WDR53: variants seen among roughly 807,000 people sequenced by gnomAD.
WDR53 encodes the protein WD repeat domain 53, also known as WD repeat-containing protein 53.
WDR53 carries 19 observed loss-of-function variants against 21.3 expected under a neutral mutation model. That is an observed-to-expected ratio of 0.89 (90% CI 0.62 to 1.31). The LOEUF (loss-of-function observed/expected upper bound fraction) is 1.31. WDR53 is among the 50% of genes most tolerant of loss of function. The probability of loss-of-function intolerance (pLI) is 0.00; values close to 1 mark genes in which losing one functional copy is unlikely to be tolerated. For synonymous variants in WDR53, 157 were observed against 163.4 expected (o/e 0.96, Z 0.30); for missense variants, 374 against 423.2 (o/e 0.88, Z 1.02).
intron 3 of WDR53, among the ~76,000 whole-genome samples, chr3:196,559,600 C>T (rs1186768295): frequency 6.6e-6 from 1 of 152,096 alleles, no homozygotes; most frequent in Admixed American, 6.6e-5. Flanking sequence ...ATAACTGATG[C>T]TATTAAAAAG....
At chr3:196,568,351 G>C (rs1284610375) in intron 1 of WDR53, 168 bp downstream of exon 1, 2 of 152,542 alleles carry the variant, frequency 1.3e-5, no homozygotes, top group African/African-American at 4.8e-5. Flanking sequence ...TTCATGCGTT[G>C]AGCTGGAGTC....
At chr3:196,557,214 A>G (rs1734404925) in intron 3 of WDR53, among the ~76,000 whole-genome samples, 1 of 152,206 alleles carries the variant, frequency 6.6e-6, no homozygotes, top group Non-Finnish European at 1.5e-5. Context: ...TTACAAAAAC[A>G]TTTCTTTCCA....
At position 196,560,398 on chromosome 3, in the gene WDR53, C is replaced by T. The variant is rs550631034; in HGVS notation, c.480+598G>A. On this transcript the variant is annotated intron_variant, in intron 3 of 3. Transcript: ENST00000332629. ...CTGGGATTGCAGGAGCCCACCACCA[C>T]GCCTGGCTAATTTTTGTATTTCTAG... Among the ~76,000 whole-genome samples the T allele has an allele frequency of 6.4e-4, 98 of 152,214 alleles. 1 individual carries two copies. The highest frequency in any genetic ancestry group is 2.3e-3 in the African/African-American group (95 of 41,538).
rs756821952 is a variant in WDR53 at position 196,561,161 on chromosome 3, C to T, written c.315G>A (p.Thr105=). The change falls in exon 3 of 4, where the codon ACG becomes ACA. Residue 105 remains threonine, a synonymous_variant. Coordinates refer to ENST00000332629, the MANE Select transcript of WDR53 (RefSeq NM_182627.3). The part of the protein sequence containing the change: ...EEINCLSLNQ[T]ENLLASADDS... ...CGTCAGCAGAAGCCAGCAGGTTTTC[C>T]GTTTGATTCAATGAAAGACAATTGA... is the stretch of plus-strand genomic sequence containing the variant. The T allele has an allele frequency of 1.1e-5, 17 of 1,613,996 alleles. No homozygotes were observed. Among genetic ancestry groups the T allele is most frequent in the Non-Finnish European group, 1.2e-5 (14 of 1,180,048 alleles).
chr3:196,556,653 C>A (rs1734343346), intron 3 of WDR53, among the ~76,000 whole-genome samples: 1 of 45,040 alleles, frequency 2.2e-5, no homozygotes, highest in Non-Finnish European at 4.1e-5. Flanking sequence ...AAGACTCCGT[C>A]TTTAAAAAAA....
At chr3:196,557,081 A>G (rs1194856138) in intron 3 of WDR53, among the ~76,000 whole-genome samples, 1 of 116,674 alleles carries the variant, frequency 8.6e-6, no homozygotes, top group East Asian at 1.9e-4. Context: ...CTGAAAGAAA[A>G]GAATAAAGAG....
At position 196,554,596 on chromosome 3, in the gene WDR53, C is replaced by G; in HGVS notation, c.692G>C (p.Cys231Ser). The change falls in exon 4 of 4, where the codon TGT becomes TCT. Residue 231 changes from cysteine (C) to serine (S), a missense_variant. Physicochemically the swap from Cys to Ser is moderately radical, Grantham distance 112. Coordinates refer to ENST00000332629, the MANE Select transcript of WDR53 (RefSeq NM_182627.3). Reference protein sequence around the residue: ...VRIFRVMGVKCEQELGFKGHT... With the variant: ...VRIFRVMGVKSEQELGFKGHT... Reference sequence around the variant, plus strand: ...GCCCTTAAATCCCAGTTCCTGTTCACACTTAACTCCCATCACCCGAAAGAT... The same window carrying G: ...GCCCTTAAATCCCAGTTCCTGTTCAGACTTAACTCCCATCACCCGAAAGAT... The G allele has an allele frequency of 6.2e-7, 1 of 1,614,112 alleles. No individual in the cohort carries two copies. The highest frequency in any genetic ancestry group is 8.5e-7 in the Non-Finnish European group (1 of 1,180,016).
At chr3:196,568,441 G>A (rs1178172520) in intron 1 of WDR53, 78 bp downstream of exon 1, 1 of 152,954 alleles carries the variant, frequency 6.5e-6, no homozygotes, top group African/African-American at 2.4e-5. Flanking sequence ...CACCAGACCA[G>A]AAAAAGGAAA....
intron 3 of WDR53, among the ~76,000 whole-genome samples, chr3:196,560,485 C>G (rs1315011683): frequency 6.6e-6 from 1 of 152,174 alleles, no homozygotes; most frequent in Non-Finnish European, 1.5e-5. Context: ...GATCTGCCCA[C>G]CTCGGCCTTC....
intron 3 of WDR53, among the ~76,000 whole-genome samples, chr3:196,559,022 C>T (rs910802578): frequency 5.3e-5 from 8 of 152,328 alleles, no homozygotes; most frequent in South Asian, 2.1e-4. Flanking sequence ...GGGGGCAAGA[C>T]AGTAAATTCT....
chr3:196,557,539 AAAAC>A (rs766654768), intron 3 of WDR53, among the ~76,000 whole-genome samples: 2 of 152,140 alleles, frequency 1.3e-5, no homozygotes, highest in African/African-American at 4.8e-5. Flanking sequence ...CCCTGTCTCA[AAAAC>A]AAACAAACAA....
rs186118274 is a variant in WDR53, at chr3:196,566,560, T to C, written c.-17+317A>G. On this transcript the variant is annotated intron_variant, in intron 2 of 3. Coordinates refer to ENST00000332629, the MANE Select transcript of WDR53 (RefSeq NM_182627.3). ...TCCTGAGTAGCTGGAACTACAGGCA[T>C]GCACCACCACGCCCGGTTAATTTTT... Among the ~76,000 whole-genome samples, 508 of 152,086 alleles carry C rather than the reference T, an allele frequency of 3.3e-3. 3 individuals are homozygous for C. The highest frequency in any genetic ancestry group is 0.012 in the African/African-American group (495 of 41,476).
At chr3:196,560,247 C>CT (rs11425350) in intron 3 of WDR53, among the ~76,000 whole-genome samples, 64,913 of 144,944 alleles carry the variant, frequency 0.45, 14,916 homozygotes, top group Middle Eastern at 0.53. Flanking sequence ...TTTCTTTTTT[C>CT]TTTTTTTTTT....
In WDR53 at chr3:196,567,000, G is replaced by A. The variant is rs1024717004; in HGVS notation, c.-140C>T. The A allele has an allele frequency of 6.1e-6, 2 of 326,244 alleles. No individual in the cohort carries two copies. Among genetic ancestry groups the A allele is most frequent in the Admixed American group, 7.9e-5 (2 of 25,394 alleles). 20.2% of individuals were successfully genotyped at this position (326,244 alleles called of 1,614,324 possible). ...AAAGGCTCTGCCTCGGCTGCACTGA[G>A]ACACGATAAAGGCCAGTCTTTAAAA... is the stretch of plus-strand genomic sequence containing the variant. On this transcript the variant is annotated 5_prime_UTR_variant, in exon 2 of 4. Coordinates refer to ENST00000332629, the MANE Select transcript of WDR53 (RefSeq NM_182627.3).
rs748315848 is a variant in WDR53, at chr3:196,554,406, A to G, written c.882T>C (p.Thr294=). 40 of 1,613,932 alleles carry G rather than the reference A, an allele frequency of 2.5e-5. No individual in the cohort carries two copies. Among genetic ancestry groups the G allele is most frequent in the Admixed American group, 3.3e-5 (2 of 59,976 alleles). Residue 294 remains threonine, a synonymous_variant, in exon 4 of 4, where the codon ACT becomes ACC. Transcript: ENST00000332629. ...RTHRKKPKRG[T]CTKQGGNTNA... is the part of the protein sequence containing the mutation. ...TAGTATTTCCACCCTGCTTGGTGCA[A>G]GTTCCTCTTTTAGGTTTCTTCCTGT... is the stretch of plus-strand genomic sequence containing the variant.
chr3:196,560,505 G>A (rs569031917), intron 3 of WDR53, among the ~76,000 whole-genome samples: 1 of 152,266 alleles, frequency 6.6e-6, no homozygotes, highest in South Asian at 2.1e-4. Context: ...CCAAAGTGCT[G>A]GGATTACAGG....
intron 2 of WDR53, among the ~76,000 whole-genome samples, chr3:196,566,485 C>T (rs900675914): frequency 2.0e-5 from 3 of 151,334 alleles, no homozygotes; most frequent in Middle Eastern, 3.4e-3. Flanking sequence ...GCAATCTCGG[C>T]TCACTGCAAC....
chr3:196,560,836 T>C (rs1450606959), intron 3 of WDR53, among the ~76,000 whole-genome samples, 160 bp downstream of exon 3: 1 of 152,260 alleles, frequency 6.6e-6, no homozygotes, highest in Non-Finnish European at 1.5e-5. Flanking sequence ...TATTAGGTTT[T>C]ATCAGACTAG....
At chr3:196,566,700 C>G (rs1191677537) in intron 2 of WDR53, among the ~76,000 whole-genome samples, 177 bp downstream of exon 2, 1 of 152,182 alleles carries the variant, frequency 6.6e-6, no homozygotes, top group Non-Finnish European at 1.5e-5. Context: ...AGGCGTGAGC[C>G]ACGGCACCCG....
Sources: gnomAD v4.1 joint callset for allele counts (sites outside exome capture counted in the v4.1 genomes callset) on GRCh38, gnomAD v4.1.1 for gene constraint, MANE v1.5 for transcripts, NCBI Gene and HGNC (gene_info 2026-07-23, HGNC 2026-07-21) for gene names.